Variants in SEPTIN6 observed in about 807,000 individuals in gnomAD.
SEPTIN6 encodes septin-6.
In SEPTIN6, 8 loss-of-function variants were observed where a neutral mutation model predicts 33.6. That is an observed-to-expected ratio of 0.24 (90% CI 0.14 to 0.43). The LOEUF (loss-of-function observed/expected upper bound fraction) is 0.43. SEPTIN6 is among the 20% of genes least tolerant of loss of function. SEPTIN6 has a pLI of 1.00. For synonymous variants in SEPTIN6, 131 were observed against 140.0 expected (o/e 0.94, Z 0.45); for missense variants, 250 against 340.8 (o/e 0.73, Z 2.10).
intron 5 of SEPTIN6, among the ~76,000 whole-genome samples, chrX:119,642,569 G>A (rs190628916): frequency 1.8e-5 from 2 of 110,698 alleles, no homozygotes; most frequent in East Asian, 5.7e-4. Flanking sequence ...TAGATGAGGT[G>A]CGTACTCTAA....
chrX:119,652,707 C>T, intron 4 of SEPTIN6, 147 bp downstream of exon 4: 1 of 489,347 alleles, frequency 2.0e-6, no homozygotes, highest in Non-Finnish European at 3.4e-6. Flanking sequence ...GACGCTGGTG[C>T]TGGATCCGTA....
intron 5 of SEPTIN6, among the ~76,000 whole-genome samples, chrX:119,641,793 C>T (rs2054162987): frequency 1.8e-5 from 2 of 112,582 alleles, no homozygotes; most frequent in Middle Eastern, 4.6e-3. Flanking sequence ...GATGGAACCA[C>T]GGAATCAATG....
chrX:119,634,560 G>A (rs1021662567), intron 7 of SEPTIN6, among the ~76,000 whole-genome samples: 6 of 111,174 alleles, frequency 5.4e-5, no homozygotes, highest in African/African-American at 2.0e-4. Context: ...CCTGGAGGAA[G>A]AGAACAGGCT....
intron 7 of SEPTIN6, among the ~76,000 whole-genome samples, chrX:119,634,356 G>A (rs760082979): frequency 4.0e-5 from 4 of 98,921 alleles, no homozygotes; most frequent in African/African-American, 1.5e-4. Flanking sequence ...GTGACAGAGT[G>A]AGACTCCATC....
intron 8 of SEPTIN6, among the ~76,000 whole-genome samples, chrX:119,630,137 A>C (rs1229662444): frequency 7.1e-4 from 80 of 111,960 alleles, no homozygotes; most frequent in Non-Finnish European, 3.0e-4. Flanking sequence ...AAAAAAAGAA[A>C]TTACCGAGTA....
At chrX:119,661,418 G>C (rs1003322330) in intron 3 of SEPTIN6, among the ~76,000 whole-genome samples, 1 of 110,836 alleles carries the variant, frequency 9.0e-6, no homozygotes, top group Non-Finnish European at 1.9e-5. Context: ...GCAACAGAGC[G>C]AGACTCCGTC....
At chrX:119,622,936 A>C (rs1460970249) in intron 10 of SEPTIN6, among the ~76,000 whole-genome samples, 1 of 112,473 alleles carries the variant, frequency 8.9e-6, no homozygotes, top group East Asian at 2.8e-4. Flanking sequence ...AGGGGCTCCA[A>C]GACTTGCTGT....
chrX:119,624,112 G>A (rs1257717181), intron 10 of SEPTIN6: 2 of 293,934 alleles, frequency 6.8e-6, no homozygotes, highest in African/African-American at 5.7e-5. Flanking sequence ...TAATTTCTAA[G>A]ATCTCTTCAT....
At position 119,683,940 on chromosome X, in the gene SEPTIN6, C is replaced by CT. The variant is rs533602254; in HGVS notation, c.31-8273dup. The stretch of plus-strand genomic sequence containing the variant: ...CCTATTAGTCTCCTTATTATAACTT[C>CT]TTTTTTTTTTTTTTTTTGAGACAGT... On this transcript the variant is annotated intron_variant, in intron 1 of 10. Coordinates refer to ENST00000394610, the MANE Select transcript of SEPTIN6 (RefSeq NM_145799.4). Among the ~76,000 whole-genome samples, 610 of 94,254 alleles carry CT rather than the reference C, an allele frequency of 6.5e-3. 1 individual carries two copies. The highest frequency in any genetic ancestry group is 8.2e-3 in the African/African-American group (215 of 26,178). 81.8% of individuals were successfully genotyped at this position (94,254 alleles called of 115,157 possible).
At chrX:119,643,359 A>C (rs2054187825) in intron 5 of SEPTIN6, among the ~76,000 whole-genome samples, 1 of 109,166 alleles carries the variant, frequency 9.2e-6, no homozygotes, top group East Asian at 2.9e-4. Flanking sequence ...ATGGAGGAGG[A>C]AGGCATGTGA....
intron 5 of SEPTIN6, among the ~76,000 whole-genome samples, 191 bp from the exon 6 acceptor site, chrX:119,640,979 T>C (rs186458899): frequency 1.2e-4 from 13 of 112,626 alleles, no homozygotes; most frequent in African/African-American, 4.2e-4. Context: ...AAGCCTCTGC[T>C]GTTCAGAAAT....
At chrX:119,672,277 G>A (rs1281532455) in intron 2 of SEPTIN6, among the ~76,000 whole-genome samples, 1 of 111,317 alleles carries the variant, frequency 9.0e-6, no homozygotes, top group Non-Finnish European at 1.9e-5. Flanking sequence ...CTCTTGGAGG[G>A]TCTGTGCTGG....
chrX:119,622,016 TATACA>T (rs1351984659), intron 10 of SEPTIN6, among the ~76,000 whole-genome samples: 1 of 104,720 alleles, frequency 9.5e-6, no homozygotes, highest in African/African-American at 3.4e-5. Flanking sequence ...AATGAGATAC[TATACA>T]AAAGACAAAA....
intron 3 of SEPTIN6, among the ~76,000 whole-genome samples, chrX:119,657,645 T>C (rs2054470049): frequency 1.8e-5 from 2 of 110,976 alleles, no homozygotes; most frequent in Non-Finnish European, 3.8e-5. Flanking sequence ...TCTGAGTATC[T>C]GGGACTACAG....
chrX:119,635,953 A>T (rs767756581), intron 7 of SEPTIN6, among the ~76,000 whole-genome samples: 2 of 111,443 alleles, frequency 1.8e-5, no homozygotes, highest in Non-Finnish European at 1.9e-5. Flanking sequence ...GGTATTCAGG[A>T]TGGAGTGAAG....
intron 7 of SEPTIN6, among the ~76,000 whole-genome samples, chrX:119,635,645 A>G (rs775667005): frequency 7.2e-5 from 8 of 111,738 alleles, no homozygotes; most frequent in Non-Finnish European, 1.1e-4. Flanking sequence ...CAAAGGCCAC[A>G]TTGAACTTGG....
chrX:119,687,195 CTTTCCTTCTTTCCTTCTT>C (rs377588486), intron 1 of SEPTIN6, among the ~76,000 whole-genome samples: 216 of 108,473 alleles, frequency 2.0e-3, no homozygotes, highest in African/African-American at 6.9e-3. Context: ...ATATCCATGG[CTTTCCTTCTTTCCTTCTT>C]TTTCCTTCTT....
chrX:119,669,212 T>C (rs1166243413), intron 2 of SEPTIN6, among the ~76,000 whole-genome samples: 3 of 113,407 alleles, frequency 2.6e-5, no homozygotes, highest in Non-Finnish European at 3.7e-5. Flanking sequence ...TTAACCAATG[T>C]GCTCTAGCGA....
intron 2 of SEPTIN6, among the ~76,000 whole-genome samples, chrX:119,674,634 T>C (rs898039475): frequency 9.0e-6 from 1 of 111,698 alleles, no homozygotes; most frequent in Non-Finnish European, 1.9e-5. Flanking sequence ...GTCCTCATTA[T>C]GGTGCCACTT....
Sources: allele counts gnomAD v4.1 joint callset (sites outside exome capture counted in the v4.1 genomes callset), GRCh38; gene constraint gnomAD v4.1.1; transcripts MANE v1.5; gene names NCBI Gene and HGNC (gene_info 2026-07-23, HGNC 2026-07-21).